Variants in MEGF9 observed in about 807,000 individuals in gnomAD.
MEGF9 encodes the protein multiple EGF like domains 9.
In MEGF9, 6 loss-of-function variants were observed where a neutral mutation model predicts 46.8. That is an observed-to-expected ratio of 0.13 (90% confidence interval 0.07 to 0.25). The LOEUF (loss-of-function observed/expected upper bound fraction) is 0.25. MEGF9 is among the 10% of genes least tolerant of loss of function. The pLI, the probability that MEGF9 is intolerant of heterozygous loss-of-function variation, is 1.00. For missense variants in MEGF9, 683 were observed against 792.4 expected, an observed-to-expected ratio of 0.86 and a Z score of 1.66; for synonymous variants, 302 against 330.7, an observed-to-expected ratio of 0.91 and a Z score of 0.94.
chr9:120,621,614 C>T (rs1474924200), intron 3 of MEGF9, among the ~76,000 whole-genome samples: 8 of 152,116 alleles, frequency 5.3e-5, no homozygotes, highest in Non-Finnish European at 1.5e-5. Flanking sequence ...TCAAGTCTTT[C>T]TAAGTTGACT....
intron 1 of MEGF9, among the ~76,000 whole-genome samples, chr9:120,674,880 ATTTT>A (rs35813407): frequency 7.4e-6 from 1 of 135,748 alleles, no homozygotes; most frequent in Admixed American, 7.4e-5. Context: ...AGCAGTTTCT[ATTTT>A]TTTTTTTTTT....
At chr9:120,621,608 G>A (rs2043499537) in intron 3 of MEGF9, among the ~76,000 whole-genome samples, 1 of 151,962 alleles carries the variant, frequency 6.6e-6, no homozygotes, top group Admixed American at 6.6e-5. Flanking sequence ...CTTTAGTCAA[G>A]TCTTTCTAAG....
chr9:120,705,165 T>A (rs1289328379), intron 1 of MEGF9, among the ~76,000 whole-genome samples: 1 of 152,068 alleles, frequency 6.6e-6, no homozygotes, highest in Non-Finnish European at 1.5e-5. Flanking sequence ...GAATATTGTA[T>A]AAAGGATGAC....
At chr9:120,695,631 C>CAAAAAAAAAAAAAAAAAAAAAAA (rs2043873143) in intron 1 of MEGF9, among the ~76,000 whole-genome samples, 1 of 111,280 alleles carries the variant, frequency 9.0e-6, no homozygotes, top group African/African-American at 3.8e-5. Context: ...AAAAAAAAAG[C>CAAAAAAAAAAAAAAAAAAAAAAA]AAATAATCAA....
At position 120,679,953 on chromosome 9, in the gene MEGF9, A is replaced by G. The variant is rs10984979; in HGVS notation, c.602-20378T>C. 5.4e-3 allele frequency among the ~76,000 whole-genome samples: 812 copies of G among 150,698 alleles called. 8 individuals carry two copies. Among genetic ancestry groups the G allele is most frequent in the East Asian group, 0.053 (270 of 5,134 alleles). ...ACTCCGTCTCAAAAAAAAAAAAAAA[A>G]AGAGAGAGACTCTGATGCATTCTTC... is the stretch of plus-strand genomic sequence containing the variant. On this transcript the variant is annotated intron_variant, in intron 1 of 5. Transcript: ENST00000373930.
At chr9:120,632,783 GA>G (rs1564416503) in intron 2 of MEGF9, among the ~76,000 whole-genome samples, 1 of 152,020 alleles carries the variant, frequency 6.6e-6, no homozygotes, top group East Asian at 1.9e-4. Context: ...TCTATTTTTT[GA>G]GTGTTTTTAT....
At chr9:120,680,010 TTC>T (rs922582206) in intron 1 of MEGF9, among the ~76,000 whole-genome samples, 1 of 152,162 alleles carries the variant, frequency 6.6e-6, no homozygotes, top group African/African-American at 2.4e-5. Context: ...ACTCTAGAAT[TTC>T]TGTTATTTTT....
chr9:120,624,147 T>C (rs900356053), intron 2 of MEGF9, among the ~76,000 whole-genome samples: 4 of 152,244 alleles, frequency 2.6e-5, no homozygotes, highest in African/African-American at 9.6e-5. Context: ...TGCTCCTTAA[T>C]TGCTGATTTA....
At chr9:120,670,313 T>G (rs946036705) in intron 1 of MEGF9, among the ~76,000 whole-genome samples, 6 of 152,124 alleles carry the variant, frequency 3.9e-5, no homozygotes, top group African/African-American at 1.4e-4. Flanking sequence ...GTCAGGCTGG[T>G]CTCAAACTCC....
intron 2 of MEGF9, among the ~76,000 whole-genome samples, chr9:120,640,012 CTT>C (rs1357552845): frequency 6.6e-6 from 1 of 152,086 alleles, no homozygotes; most frequent in Non-Finnish European, 1.5e-5. Context: ...TCTGGGCTTT[CTT>C]TTTTATCTAT....
intron 2 of MEGF9, among the ~76,000 whole-genome samples, chr9:120,633,676 G>GGATC (rs2043560216): frequency 6.6e-6 from 1 of 151,844 alleles, no homozygotes; most frequent in South Asian, 2.1e-4. Context: ...TCCTTAAGCT[G>GGATC]GATCATTAGG....
At chr9:120,634,447 T>G (rs868802120) in intron 2 of MEGF9, among the ~76,000 whole-genome samples, 1 of 50,226 alleles carries the variant, frequency 2.0e-5, no homozygotes, top group East Asian at 4.0e-4. Context: ...GTGGAATATC[T>G]TTTTTTTTTT....
intron 2 of MEGF9, among the ~76,000 whole-genome samples, chr9:120,646,798 T>C (rs1289653786): frequency 5.3e-5 from 8 of 152,184 alleles, no homozygotes; most frequent in Non-Finnish European, 8.8e-5. Context: ...TACCTGCAGA[T>C]AAATGCGGTA....
At chr9:120,628,588 A>G (rs2043537356) in intron 2 of MEGF9, among the ~76,000 whole-genome samples, 1 of 146,430 alleles carries the variant, frequency 6.8e-6, no homozygotes, top group South Asian at 2.2e-4. Context: ...TCAATTCCCA[A>G]CGGTCATGCA....
chr9:120,695,411 C>G (rs1564429882), intron 1 of MEGF9, among the ~76,000 whole-genome samples: 2 of 151,740 alleles, frequency 1.3e-5, no homozygotes, highest in Admixed American at 6.6e-5. Context: ...CAAGAGCAGC[C>G]TGGCCAAAAT....
At chr9:120,683,513 G>A (rs769040961) in intron 1 of MEGF9, among the ~76,000 whole-genome samples, 1 of 152,176 alleles carries the variant, frequency 6.6e-6, no homozygotes, top group African/African-American at 2.4e-5. Context: ...CCCTGCTCTT[G>A]CTAGCTCTCT....
At chr9:120,620,712 A>C (rs537199715) in intron 3 of MEGF9, among the ~76,000 whole-genome samples, 1 of 152,262 alleles carries the variant, frequency 6.6e-6, no homozygotes, top group African/African-American at 2.4e-5. Context: ...TTGGCAGAGG[A>C]AAGATCATAT....
chr9:120,697,125 C>CA (rs2043881260), intron 1 of MEGF9, among the ~76,000 whole-genome samples: 1 of 152,212 alleles, frequency 6.6e-6, no homozygotes, highest in Admixed American at 6.5e-5. Flanking sequence ...CTCTGTCGCC[C>CA]AGGCTGGAGT....
At chr9:120,686,357 C>T (rs916446984) in intron 1 of MEGF9, among the ~76,000 whole-genome samples, 1 of 152,156 alleles carries the variant, frequency 6.6e-6, no homozygotes, top group Non-Finnish European at 1.5e-5. Context: ...GGATTACAAT[C>T]GTGAGCCACC....
Sources: allele counts gnomAD v4.1 joint callset (sites outside exome capture counted in the v4.1 genomes callset), GRCh38; gene constraint gnomAD v4.1.1; transcripts MANE v1.5; gene names NCBI Gene and HGNC (gene_info 2026-07-23, HGNC 2026-07-21).